PRH1: variants seen among roughly 807,000 people sequenced by gnomAD.
PRH1 encodes proline rich protein HaeIII subfamily 1, also known as salivary acidic proline-rich phosphoprotein 1/2.
Under a neutral mutation model 7.9 loss-of-function variants are expected in PRH1, and 7 were observed. The ratio of observed to expected loss-of-function variants is 0.89; its 90% confidence interval spans 0.50 to 1.67. PRH1 has a LOEUF of 1.67. Among genes scored for constraint, PRH1 ranks in the 40% most tolerant of loss-of-function variants. PRH1 has a pLI of 0.00. For synonymous variants in PRH1, 45 were observed against 80.8 expected (o/e 0.56, Z 2.38); for missense variants, 109 against 223.6 (o/e 0.49, Z 3.27).
At position 10,924,133 on chromosome 12, in the gene PRH1, G is replaced by A. The variant is rs58933154; in HGVS notation, c.-58-39858C>T. ...CTCCCGAGTAGCTGGGACTACAGGCGCCTGCCACCACGCCCAGCTAATTTT... is the reference window on the plus strand; with the variant it reads ...CTCCCGAGTAGCTGGGACTACAGGCACCTGCCACCACGCCCAGCTAATTTT... On this transcript the variant is annotated intron_variant, in intron 2 of 3. Coordinates refer to the PRH1 transcript ENST00000539853. Among the ~76,000 whole-genome samples the A allele has an allele frequency of 5.3e-5, 8 of 151,150 alleles. No individual in the cohort carries two copies. In the East Asian group the frequency reaches 1.4e-3, roughly 26 times the overall value.
At chr12:10,977,327 C>G (rs559716930) in intron 1 of PRH1, among the ~76,000 whole-genome samples, 1 of 152,144 alleles carries the variant, frequency 6.6e-6, no homozygotes, top group Non-Finnish European at 1.5e-5. Context: ...GCATTATCAT[C>G]TCGATAGATG....
chr12:10,959,167 T>G (rs563756957), intron 2 of PRH1, among the ~76,000 whole-genome samples: 76 of 151,518 alleles, frequency 5.0e-4, no homozygotes, highest in Non-Finnish European at 1.0e-3. Context: ...TTGACTCCAT[T>G]TTTTTTTAGT....
chr12:10,955,257 A>G (rs1198848685), intron 2 of PRH1, among the ~76,000 whole-genome samples: 2 of 152,188 alleles, frequency 1.3e-5, no homozygotes, highest in Non-Finnish European at 2.9e-5. Flanking sequence ...CACAATAAAA[A>G]TATAAATAAA....
At chr12:11,122,805 A>G (rs1478922197) in intron 1 of PRH1, among the ~76,000 whole-genome samples, 1 of 152,184 alleles carries the variant, frequency 6.6e-6, no homozygotes, top group African/African-American at 2.4e-5. Flanking sequence ...ACTAGACTAC[A>G]CACTTAGAAA....
chr12:10,987,542 A>AAGAG (rs143040427), intron 1 of PRH1, among the ~76,000 whole-genome samples: 343 of 147,498 alleles, frequency 2.3e-3, no homozygotes, highest in African/African-American at 6.8e-3. Context: ...CAAACACAGA[A>AAGAG]AGAGAGAGAG....
At chr12:10,945,184 T>C (rs1950467015) in intron 2 of PRH1, among the ~76,000 whole-genome samples, 1 of 152,194 alleles carries the variant, frequency 6.6e-6, no homozygotes, top group Non-Finnish European at 1.5e-5. Flanking sequence ...CAGCAGGTCT[T>C]GGGCTTTTTT....
At chr12:10,999,824 GTTC>G (rs1940497124) in intron 1 of PRH1, among the ~76,000 whole-genome samples, 1 of 152,034 alleles carries the variant, frequency 6.6e-6, no homozygotes, top group Non-Finnish European at 1.5e-5. Context: ...AGTCCTGTGT[GTTC>G]TTCTTGTTCA....
intron 1 of PRH1, among the ~76,000 whole-genome samples, chr12:11,017,553 C>T (rs10845291): frequency 0.25 from 38,026 of 152,022 alleles, 6,124 homozygotes; most frequent in East Asian, 0.66. Flanking sequence ...GTTGCAATCC[C>T]GGCTCACTGC....
At chr12:10,935,127 A>C (rs978365643) in intron 2 of PRH1, among the ~76,000 whole-genome samples, 8 of 152,120 alleles carry the variant, frequency 5.3e-5, no homozygotes, top group Non-Finnish European at 1.2e-4. Flanking sequence ...GAGTGCTGAT[A>C]ATTTACATTT....
intron 1 of PRH1, among the ~76,000 whole-genome samples, chr12:11,044,259 T>G (rs1049709197): frequency 1.3e-5 from 2 of 151,952 alleles, no homozygotes; most frequent in Non-Finnish European, 2.9e-5. Flanking sequence ...ATGAAACTAG[T>G]CCCATATATC....
chr12:11,090,538 AGATCAT>A (rs1298873042), intron 1 of PRH1, among the ~76,000 whole-genome samples: 6 of 115,786 alleles, frequency 5.2e-5, no homozygotes, highest in African/African-American at 1.7e-4. Flanking sequence ...ATACCAATCA[AGATCAT>A]GATCATGATG....
intron 1 of PRH1, among the ~76,000 whole-genome samples, chr12:11,056,166 T>C (rs1188055920): frequency 6.6e-6 from 1 of 152,258 alleles, no homozygotes; most frequent in Non-Finnish European, 1.5e-5. Flanking sequence ...GACTAAATTA[T>C]TCTCTTGAGC....
chr12:10,947,312 A>T (rs1178200129), intron 2 of PRH1, among the ~76,000 whole-genome samples: 2 of 152,186 alleles, frequency 1.3e-5, no homozygotes, highest in Non-Finnish European at 2.9e-5. Flanking sequence ...ACATTCCTGT[A>T]TTGGGTGCAT....
At chr12:11,098,619 T>G (rs933267396) in intron 1 of PRH1, among the ~76,000 whole-genome samples, 2 of 152,208 alleles carry the variant, frequency 1.3e-5, no homozygotes, top group Non-Finnish European at 2.9e-5. Flanking sequence ...ATGTCTAAAG[T>G]CTTAAAGGGA....
intron 2 of PRH1, among the ~76,000 whole-genome samples, chr12:10,914,152 G>A (rs1949940137): frequency 6.6e-6 from 1 of 152,118 alleles, no homozygotes; most frequent in South Asian, 2.1e-4. Flanking sequence ...AGTCACCTGT[G>A]GTTATGTGGG....
At chr12:11,037,991 A>T (rs1338185532) in intron 1 of PRH1, among the ~76,000 whole-genome samples, 1 of 152,234 alleles carries the variant, frequency 6.6e-6, no homozygotes, top group Non-Finnish European at 1.5e-5. Flanking sequence ...GCATTGAGCC[A>T]AGATTGCGCT....
intron 1 of PRH1, among the ~76,000 whole-genome samples, chr12:11,086,630 T>C (rs1223665005): frequency 6.8e-6 from 1 of 147,516 alleles, no homozygotes; most frequent in Non-Finnish European, 1.5e-5. Flanking sequence ...AAGGAGACGA[T>C]AGGCCGGGTG....
chr12:11,069,362 T>A (rs1943962267), intron 1 of PRH1, among the ~76,000 whole-genome samples: 1 of 152,052 alleles, frequency 6.6e-6, no homozygotes, highest in Admixed American at 6.6e-5. Context: ...GGCTACATTG[T>A]CAGTAAGGAG....
At chr12:10,986,769 T>C in intron 1 of PRH1, 1 of 1,609,860 alleles carries the variant, frequency 6.2e-7, no homozygotes, top group Non-Finnish European at 8.5e-7. Context: ...GTCAATGAAA[T>C]TTACCAGTGC....
Sources: allele counts gnomAD v4.1 joint callset (sites outside exome capture counted in the v4.1 genomes callset), GRCh38; gene constraint gnomAD v4.1.1; transcripts MANE v1.5; gene names NCBI Gene and HGNC (gene_info 2026-07-23, HGNC 2026-07-21).